The following HDAC9 variants were observed in gnomAD, a reference collection of about 807,000 sequenced individuals.
The protein encoded by HDAC9 is MEF-2 interacting transcription repressor (MITR) protein.
Under a neutral mutation model 139.4 loss-of-function variants are expected in HDAC9, and 41 were observed. The ratio of observed to expected loss-of-function variants is 0.29; its 90% confidence interval spans 0.23 to 0.38. HDAC9 has a LOEUF of 0.38. HDAC9 is among the 10% of genes least tolerant of loss of function. The pLI, the probability that HDAC9 is intolerant of heterozygous loss-of-function variation, is 1.00. For missense variants in HDAC9, 1,147 were observed against 1,297.0 expected (o/e 0.88, Z 1.78); for synonymous variants, 517 against 476.2 (o/e 1.09, Z -1.12).
At chr7:18,493,605 A>G (rs1461632183), upstream of HDAC9, among the ~76,000 whole-genome samples, 1 of 151,906 alleles carries the variant, frequency 6.6e-6, no homozygotes, top group African/African-American at 2.4e-5. Flanking sequence ...TGATCTCACC[A>G]CAAAAAAAAT....
At chr7:18,492,842 A>T (rs145196913), upstream of HDAC9, among the ~76,000 whole-genome samples, 1 of 151,958 alleles carries the variant, frequency 6.6e-6, no homozygotes, top group African/African-American at 2.4e-5. Flanking sequence ...AATATAGTTG[A>T]TGGTTGTTTT....
chr7:18,463,053 G>A (rs1486250128), intron 1 of HDAC9, among the ~76,000 whole-genome samples: 2 of 151,820 alleles, frequency 1.3e-5, no homozygotes, highest in African/African-American at 4.8e-5. Flanking sequence ...TTTTAGCTAT[G>A]CCACTGGGTA....
upstream of HDAC9, among the ~76,000 whole-genome samples, chr7:18,493,184 A>G (rs1360051514): frequency 2.0e-5 from 3 of 151,708 alleles, no homozygotes; most frequent in Non-Finnish European, 4.4e-5. Flanking sequence ...TTTTTTATCA[A>G]TTGTTGTTTG....
intron 1 of HDAC9, among the ~76,000 whole-genome samples, chr7:18,317,124 A>G (rs1799709228): frequency 6.8e-6 from 1 of 146,854 alleles, no homozygotes; most frequent in Non-Finnish European, 1.5e-5. Context: ...TAAATAAATA[A>G]ATAAATAAAT....
chr7:18,894,120 G>T (rs970609662), intron 22 of HDAC9, among the ~76,000 whole-genome samples: 1 of 152,128 alleles, frequency 6.6e-6, no homozygotes, highest in Non-Finnish European at 1.5e-5. Context: ...GATGACTTCA[G>T]GGTTTTGGGT....
intron 6 of HDAC9, among the ~76,000 whole-genome samples, chr7:18,611,019 G>A (rs1383550519): frequency 6.6e-6 from 1 of 152,154 alleles, no homozygotes; most frequent in Non-Finnish European, 1.5e-5. Context: ...AGAGTCATGT[G>A]AAATCCTTCG....
chr7:18,368,710 A>C (rs963483246), intron 1 of HDAC9, among the ~76,000 whole-genome samples: 3 of 151,992 alleles, frequency 2.0e-5, no homozygotes, highest in African/African-American at 7.2e-5. Flanking sequence ...GTAATATTGG[A>C]AAAGAAGGAA....
intron 6 of HDAC9, among the ~76,000 whole-genome samples, chr7:18,622,730 C>G (rs140677186): frequency 2.0e-5 from 3 of 152,004 alleles, no homozygotes; most frequent in African/African-American, 7.2e-5. Flanking sequence ...GGAAAATTTT[C>G]CATTTTTTCC....
intron 2 of HDAC9, among the ~76,000 whole-genome samples, chr7:18,213,302 C>G (rs139981592): frequency 6.6e-6 from 1 of 152,084 alleles, no homozygotes; most frequent in Non-Finnish European, 1.5e-5. Flanking sequence ...CTCCATTTTT[C>G]TCCTTACAAC....
rs776181798 is a variant in HDAC9 at position 18,247,433 on chromosome 7, A to G, written c.25+85084A>G. On this transcript the variant is annotated intron_variant, in intron 2 of 12. Coordinates refer to the HDAC9 transcript ENST00000417496. ...ATGTAATGAAAGTAAACCAAGGAGG[A>G]GAGGTCAACTGAATGAGATGCTGCT... Among the ~76,000 whole-genome samples, 23 of 152,186 alleles carry G rather than the reference A, an allele frequency of 1.5e-4. 1 individual carries two copies. The Middle Eastern group carries it at 0.01, about 68-fold the overall frequency.
chr7:18,130,385 G>A (rs1447680395), intron 1 of HDAC9, among the ~76,000 whole-genome samples: 6 of 152,092 alleles, frequency 3.9e-5, no homozygotes, highest in African/African-American at 1.4e-4. Flanking sequence ...GGACGGTGAT[G>A]CTGTTCATAG....
At chr7:18,796,451 G>GA (rs1792807209) in intron 17 of HDAC9, among the ~76,000 whole-genome samples, 1 of 152,168 alleles carries the variant, frequency 6.6e-6, no homozygotes, top group African/African-American at 2.4e-5. Context: ...TGCTTAAATA[G>GA]AACATGTGCA....
rs949085231 is a variant in HDAC9 at position 18,990,324 on chromosome 7, GC to G, written c.3171-5695del. On this transcript the variant is annotated intron_variant, in intron 25 of 25. Coordinates refer to ENST00000686413, the MANE Select transcript of HDAC9 (RefSeq NM_178425.4). ...ACCTGGCCATGTGAGGTGTCAGTGTGCCCCTGCTGAGGGGTGCCTCCCAGTT... is the reference window on the plus strand; with the variant it reads ...ACCTGGCCATGTGAGGTGTCAGTGTGCCCTGCTGAGGGGTGCCTCCCAGTT... 2.7e-4 allele frequency among the ~76,000 whole-genome samples: 41 copies of G among 151,998 alleles called. 1 individual carries two copies. Among genetic ancestry groups the G allele is most frequent in the Non-Finnish European group, 1.5e-4 (10 of 68,022 alleles).
chr7:18,541,133 G>T, intron 2 of HDAC9, among the ~76,000 whole-genome samples: 1 of 123,140 alleles, frequency 8.1e-6, no homozygotes, highest in African/African-American at 3.3e-5. Flanking sequence ...AAATATCCAA[G>T]GAACCGTGTT....
intron 12 of HDAC9, among the ~76,000 whole-genome samples, chr7:18,701,016 C>T (rs1183351848): frequency 6.6e-6 from 1 of 152,118 alleles, no homozygotes; most frequent in African/African-American, 2.4e-5. Context: ...CACTTTCTTC[C>T]TAGTTTCTGA....
intron 1 of HDAC9, among the ~76,000 whole-genome samples, chr7:18,462,420 T>C (rs1793929073): frequency 6.6e-6 from 1 of 152,062 alleles, no homozygotes; most frequent in African/African-American, 2.4e-5. Context: ...ATTAAAACCC[T>C]CATACAGAAA....
chr7:18,509,304 G>A (rs1800729262), intron 2 of HDAC9: 1 of 985,392 alleles, frequency 1.0e-6, no homozygotes, highest in African/African-American at 1.7e-5. Flanking sequence ...TGGAAGGGGT[G>A]GGGAAGCCTT....
At position 18,997,341 on chromosome 7, in the gene HDAC9, G is replaced by A; in HGVS notation, c.*1279G>A. 6.7e-6 allele frequency: 1 copy of A among 150,342 alleles called. No individual in the cohort carries two copies. Among genetic ancestry groups the A allele is most frequent in the African/African-American group, 2.4e-5 (1 of 41,090 alleles). The allele number at this position is 150,342 out of a possible 1,614,324, so 9.3% of individuals were successfully genotyped here. A position where few individuals can be genotyped will look rare whatever the true frequency, so the allele number is the denominator to read the frequency against. On this transcript the variant is annotated 3_prime_UTR_variant, in exon 26 of 26. Coordinates refer to ENST00000686413, the MANE Select transcript of HDAC9 (RefSeq NM_178425.4). ...AAAACAAAAAACAGCCTTTAAACAA[G>A]TTTCCTTAGTGTCAAAAGTTAAAAA...
chr7:18,800,545 T>G (rs921969182), intron 17 of HDAC9, among the ~76,000 whole-genome samples: 3 of 152,170 alleles, frequency 2.0e-5, no homozygotes, highest in African/African-American at 7.2e-5. Flanking sequence ...TTATAATTTC[T>G]TCTTGGGCAA....
Sources: gnomAD v4.1 joint callset for allele counts (sites outside exome capture counted in the v4.1 genomes callset) on GRCh38, gnomAD v4.1.1 for gene constraint, MANE v1.5 for transcripts, NCBI Gene and HGNC (gene_info 2026-07-23, HGNC 2026-07-21) for gene names.